The following TCF4 variants were observed in gnomAD, a reference collection of about 807,000 sequenced individuals.
TCF4 encodes the protein transcription factor 4.
TCF4 carries 3 observed loss-of-function variants against 82.1 expected under a neutral mutation model. That is an observed-to-expected ratio of 0.04 (90% CI 0.02 to 0.09). The LOEUF is 0.09. Among genes scored for constraint, TCF4 ranks in the 10% least tolerant of loss-of-function variants. The probability of loss-of-function intolerance (pLI) is 1.00; values close to 1 mark genes in which losing one functional copy is unlikely to be tolerated. For synonymous variants in TCF4, 276 were observed against 309.6 expected, an observed-to-expected ratio of 0.89 and a Z score of 1.14; for missense variants, 518 against 852.7, an observed-to-expected ratio of 0.61 and a Z score of 4.89.
rs2046818778 is a variant in TCF4, at chr18:55,227,977, CAGCTGTT to C, written c.*51_*57del. The C allele has an allele frequency of 2.0e-6, 1 of 489,300 alleles. No individual in the cohort carries two copies. The highest frequency in any genetic ancestry group is 3.7e-6 in the Non-Finnish European group (1 of 271,656). 30.3% of individuals were successfully genotyped at this position (489,300 alleles called of 1,614,324 possible). A position where few individuals can be genotyped will look rare whatever the true frequency, so the allele number is the denominator to read the frequency against. ...GTGTTTATGTGGGTTTAAGATAATA[CAGCTGTT>C]AAGGAAGTGGTCTCTTGTTTTAATG... On this transcript the variant is annotated 3_prime_UTR_variant, in exon 20 of 20. Coordinates refer to ENST00000354452, the MANE Select transcript of TCF4 (RefSeq NM_001083962.2).
At chr18:55,390,231 C>G (rs1417972398) in intron 6 of TCF4, among the ~76,000 whole-genome samples, 1 of 142,300 alleles carries the variant, frequency 7.0e-6, no homozygotes, top group Non-Finnish European at 1.5e-5. Flanking sequence ...GTGGGAGGAT[C>G]ACTCTGGCCG....
intron 8 of TCF4, chr18:55,321,842 G>A (rs1326629192): frequency 5.4e-6 from 8 of 1,485,674 alleles, no homozygotes; most frequent in Non-Finnish European, 3.6e-6. Flanking sequence ...TTTCCCATAT[G>A]GCCGGGCCAA....
At chr18:55,508,929 A>G (rs1223782733) in intron 3 of TCF4, among the ~76,000 whole-genome samples, 2 of 152,230 alleles carry the variant, frequency 1.3e-5, no homozygotes. Context: ...TCGTATTTTT[A>G]TTAACTGTTA....
At chr18:55,555,381 TCACTACTGTAACCATATATCCAGGG>T (rs780567051) in intron 3 of TCF4, among the ~76,000 whole-genome samples, 1 of 152,310 alleles carries the variant, frequency 6.6e-6, no homozygotes. Context: ...ATTAATTTGG[TCACTACTGTAACCATATATCCAGGG>T]CACAAAACAC....
At chr18:55,625,504 T>C (rs920002920) in intron 2 of TCF4, among the ~76,000 whole-genome samples, 8 of 152,204 alleles carry the variant, frequency 5.3e-5, no homozygotes, top group Admixed American at 1.3e-4. Flanking sequence ...CCCAAAGTGC[T>C]GGGATTGCAA....
At chr18:55,243,078 G>C (rs971469560) in intron 15 of TCF4, among the ~76,000 whole-genome samples, 18 of 152,192 alleles carry the variant, frequency 1.2e-4, no homozygotes, top group Non-Finnish European at 4.4e-5. Context: ...CAGGTTTTGA[G>C]TGATGGGTCG....
intron 3 of TCF4, among the ~76,000 whole-genome samples, chr18:55,494,964 T>C (rs1377886901): frequency 1.6e-5 from 2 of 124,290 alleles, no homozygotes; most frequent in East Asian, 4.2e-4. Context: ...AAGCCTTTCT[T>C]TAAAAAAAAA....
At chr18:55,499,174 G>T (rs2096670142) in intron 3 of TCF4, among the ~76,000 whole-genome samples, 1 of 152,156 alleles carries the variant, frequency 6.6e-6, no homozygotes, top group African/African-American at 2.4e-5. Context: ...AGTATACAGG[G>T]ACTCAAAAGA....
Position 55,424,860 on chromosome 18 carries a change from T to G in TCF4, c.305-21342A>C, listed in dbSNP as rs549822438. Among the ~76,000 whole-genome samples, 4 of 152,358 alleles carry G rather than the reference T, an allele frequency of 2.6e-5. No homozygotes were observed. The East Asian group carries it at 7.7e-4, about 29-fold the overall frequency. Reference sequence around the variant, plus strand: ...ACTTTCCCCAGCTTTAGGAGATGCCTGCTCATCCGAAGAGTGATTGAATGT... The same window carrying G: ...ACTTTCCCCAGCTTTAGGAGATGCCGGCTCATCCGAAGAGTGATTGAATGT... On this transcript the variant is annotated intron_variant, in intron 5 of 19. Transcript: ENST00000354452.
intron 3 of TCF4, among the ~76,000 whole-genome samples, chr18:55,504,098 C>T (rs2096728513): frequency 6.6e-6 from 1 of 152,130 alleles, no homozygotes; most frequent in Admixed American, 6.5e-5. Context: ...ATTCTAATTG[C>T]CCTAATGTAC....
At chr18:55,341,991 G>A (rs1007320614) in intron 8 of TCF4, among the ~76,000 whole-genome samples, 2 of 152,092 alleles carry the variant, frequency 1.3e-5, no homozygotes, top group African/African-American at 2.4e-5. Flanking sequence ...ATACATAGAA[G>A]AAAAAGACAT....
chr18:55,440,884 T>C (rs1044847020), intron 5 of TCF4, among the ~76,000 whole-genome samples: 1 of 152,206 alleles, frequency 6.6e-6, no homozygotes, highest in Admixed American at 6.5e-5. Flanking sequence ...GTCTGTTTAT[T>C]GGATTTATGT....
rs373774656 is a variant in TCF4 at position 55,587,081 on chromosome 18, C to T, written c.36G>A (p.Thr12=). The change falls in exon 2 of 20, where the codon ACG becomes ACA. Residue 12 remains threonine, a synonymous_variant. Coordinates refer to ENST00000354452, the MANE Select transcript of TCF4 (RefSeq NM_001083962.2). Reference sequence around the variant, plus strand: ...CCAGTAAATCACTCAGCTCTTTGTCCGTCCCTAAGGCAGCCATTCGCTGTT... The same window carrying T: ...CCAGTAAATCACTCAGCTCTTTGTCTGTCCCTAAGGCAGCCATTCGCTGTT... The part of the protein sequence containing the change: ...HHQQRMAALG[T]DKELSDLLDF... 6.2e-7 allele frequency: 1 copy of T among 1,613,504 alleles called. No individual in the cohort carries two copies. The highest frequency in any genetic ancestry group is 8.5e-7 in the Non-Finnish European group (1 of 1,179,902).
At chr18:55,404,772 G>A (rs1200952202) in intron 5 of TCF4, among the ~76,000 whole-genome samples, 1 of 152,164 alleles carries the variant, frequency 6.6e-6, no homozygotes, top group Non-Finnish European at 1.5e-5. Context: ...ATTTTTCTAT[G>A]TGGTCAAAAG....
chr18:55,260,739 T>C (rs1258328338), intron 12 of TCF4, among the ~76,000 whole-genome samples: 2 of 152,096 alleles, frequency 1.3e-5, no homozygotes, highest in African/African-American at 4.8e-5. Flanking sequence ...TTCATGTTTT[T>C]AGTAGTGACA....
intron 5 of TCF4, chr18:55,403,885 C>A (rs546712814): frequency 1.4e-6 from 2 of 1,441,154 alleles, no homozygotes; most frequent in South Asian, 3.0e-5. Flanking sequence ...ATGACCCTAG[C>A]CTAGTAATTC....
intron 3 of TCF4, among the ~76,000 whole-genome samples, chr18:55,575,364 C>T (rs2097519245): frequency 6.6e-6 from 1 of 152,146 alleles, no homozygotes; most frequent in African/African-American, 2.4e-5. Flanking sequence ...TCTTTTCAAA[C>T]TTACAAATTG....
At chr18:55,293,636 C>T (rs2065658686) in intron 8 of TCF4, among the ~76,000 whole-genome samples, 3 of 152,156 alleles carry the variant, frequency 2.0e-5, no homozygotes, top group Admixed American at 2.0e-4. Context: ...GCATTTGCCA[C>T]TGCAACAAGA....
intron 8 of TCF4, among the ~76,000 whole-genome samples, chr18:55,328,416 C>T (rs1330288517): frequency 2.0e-5 from 3 of 151,826 alleles, no homozygotes; most frequent in Non-Finnish European, 4.4e-5. Context: ...TATCCTAACC[C>T]AGTGTAATCC....
Sources: gnomAD v4.1 joint callset for allele counts (sites outside exome capture counted in the v4.1 genomes callset) on GRCh38, gnomAD v4.1.1 for gene constraint, MANE v1.5 for transcripts, NCBI Gene and HGNC (gene_info 2026-07-23, HGNC 2026-07-21) for gene names.